Variants in DLGAP1 observed in about 807,000 individuals in gnomAD.
DLGAP1 encodes the protein DLG associated protein 1, also known as disks large-associated protein 1.
A neutral mutation model predicts 90.8 loss-of-function variants in DLGAP1; 11 were observed. That is an observed-to-expected ratio of 0.12 (90% CI 0.08 to 0.20). The LOEUF (loss-of-function observed/expected upper bound fraction) is 0.20. Ranked by LOEUF, DLGAP1 falls within the 10% of genes least tolerant of loss-of-function variation. DLGAP1 has a pLI of 1.00. For missense variants in DLGAP1, 1,050 were observed against 1,333.8 expected, an observed-to-expected ratio of 0.79 and a Z score of 3.31; for synonymous variants, 558 against 540.7, an observed-to-expected ratio of 1.03 and a Z score of -0.44.
At chr18:4,417,806 G>A (rs987436262) in intron 1 of DLGAP1, among the ~76,000 whole-genome samples, 4 of 152,162 alleles carry the variant, frequency 2.6e-5, no homozygotes, top group Admixed American at 1.3e-4. Context: ...GAGAACTAAG[G>A]AAGCCACACT....
chr18:3,958,622 CA>C (rs11342881), intron 3 of DLGAP1, among the ~76,000 whole-genome samples: 75,504 of 123,522 alleles, frequency 0.61, 21,781 homozygotes, highest in East Asian at 0.81. Context: ...ATCCTCTTTA[CA>C]AAAAAAAAAA....
chr18:3,588,316 A>C (rs2056014851), intron 7 of DLGAP1, among the ~76,000 whole-genome samples: 1 of 152,132 alleles, frequency 6.6e-6, no homozygotes, highest in African/African-American at 2.4e-5. Flanking sequence ...AAAATTAGTC[A>C]GGCGTGGCAG....
intron 1 of DLGAP1, among the ~76,000 whole-genome samples, chr18:4,265,663 C>CCTTCCTTCCTT (rs1568480322): frequency 1.8e-5 from 1 of 54,288 alleles, no homozygotes; most frequent in African/African-American, 1.8e-4. Context: ...CTCCCTCCCT[C>CCTTCCTTCCTT]CCTTCCTTCC....
intron 1 of DLGAP1, among the ~76,000 whole-genome samples, chr18:4,262,302 A>G (rs1224724964): frequency 6.6e-6 from 1 of 152,180 alleles, no homozygotes; most frequent in African/African-American, 2.4e-5. Context: ...AAGTAAAAGG[A>G]ATTCCCGGGC....
At chr18:3,663,640 G>C (rs1046565885) in intron 7 of DLGAP1, among the ~76,000 whole-genome samples, 8 of 152,318 alleles carry the variant, frequency 5.3e-5, no homozygotes, top group Middle Eastern at 3.4e-3. Context: ...CGCAAGGCTG[G>C]AGGTGCCAAT....
intron 8 of DLGAP1, chr18:3,571,359 C>T (rs1042392028): frequency 1.3e-5 from 2 of 151,880 alleles, no homozygotes; most frequent in African/African-American, 4.8e-5. Context: ...CTGATGGTCC[C>T]CTGCCCCTGG....
chr18:3,685,496 A>G (rs1182549368), intron 7 of DLGAP1, among the ~76,000 whole-genome samples: 1 of 146,612 alleles, frequency 6.8e-6, no homozygotes, highest in South Asian at 2.2e-4. Context: ...CCCGGGAGGC[A>G]GAACTTGCAG....
intron 5 of DLGAP1, among the ~76,000 whole-genome samples, chr18:3,743,103 C>A (rs2063127522): frequency 6.6e-6 from 1 of 152,074 alleles, no homozygotes; most frequent in Non-Finnish European, 1.5e-5. Context: ...CAAGTCACTA[C>A]ACACTTTGTA....
rs12606356 is a variant in DLGAP1, at chr18:3,862,873, C to T, written c.957+16239G>A. 8.1e-3 allele frequency among the ~76,000 whole-genome samples: 1,236 copies of T among 152,346 alleles called. 49 individuals carry two copies. The highest frequency in any genetic ancestry group is 0.063 in the Admixed American group (970 of 15,308). On this transcript the variant is annotated intron_variant, in intron 4 of 12. Coordinates refer to ENST00000315677, the MANE Select transcript of DLGAP1 (RefSeq NM_004746.4). Reference sequence around the variant, plus strand: ...ATGGAGGACAGGCATTCAAGCAGGGCGGCCCTCGCCCTCACTGGGCCTCCC... The same window carrying T: ...ATGGAGGACAGGCATTCAAGCAGGGTGGCCCTCGCCCTCACTGGGCCTCCC...
At chr18:3,516,848 G>A (rs1447637322) in intron 10 of DLGAP1, among the ~76,000 whole-genome samples, 1 of 152,190 alleles carries the variant, frequency 6.6e-6, no homozygotes, top group Non-Finnish European at 1.5e-5. Context: ...CAACATATGG[G>A]AATTATGGAG....
intron 2 of DLGAP1, among the ~76,000 whole-genome samples, chr18:4,054,943 A>G (rs1235740333): frequency 6.6e-6 from 1 of 152,208 alleles, no homozygotes; most frequent in Non-Finnish European, 1.5e-5. Flanking sequence ...GTTGAGATCA[A>G]ATTTTATGAT....
rs182032010 is a variant in DLGAP1, at chr18:4,163,922, T to C, written c.-266-12635A>G. On this transcript the variant is annotated intron_variant, in intron 1 of 12. Transcript: ENST00000315677. ...AAGAAGTGGTCCAGCCCAAGAAGTC[T>C]CCTTGTCCCTGTAGATCTAAGATGC... is the stretch of plus-strand genomic sequence containing the variant. Among the ~76,000 whole-genome samples, 274 of 152,290 alleles carry C rather than the reference T, an allele frequency of 1.8e-3. 1 individual carries two copies. Among genetic ancestry groups the C allele is most frequent in the African/African-American group, 5.5e-3 (230 of 41,552 alleles).
rs539991836 is a variant in DLGAP1, at chr18:4,330,964, GTC to G, written c.-267+124040_-267+124041del. On this transcript the variant is annotated intron_variant, in intron 1 of 12. Coordinates refer to ENST00000315677, the MANE Select transcript of DLGAP1 (RefSeq NM_004746.4). ...AATATCTAACTGTAGTTGTGGACTT[GTC>G]TCTTTTTCTTTGTAGCTCTATCAAG... Among the ~76,000 whole-genome samples, 219 of 150,876 alleles carry G rather than the reference GTC, an allele frequency of 1.5e-3. 7 individuals are homozygous for G. Among genetic ancestry groups the G allele is most frequent in the African/African-American group, 5.1e-3 (211 of 41,032 alleles).
intron 1 of DLGAP1, among the ~76,000 whole-genome samples, chr18:4,213,981 G>A (rs1405494095): frequency 6.6e-6 from 1 of 152,142 alleles, no homozygotes; most frequent in African/African-American, 2.4e-5. Flanking sequence ...TCCTGAGACT[G>A]TGGCCCGAGA....
At chr18:3,966,037 T>C (rs914437627) in intron 3 of DLGAP1, among the ~76,000 whole-genome samples, 2 of 149,608 alleles carry the variant, frequency 1.3e-5, no homozygotes, top group African/African-American at 2.5e-5. Context: ...TACAGACAAA[T>C]ACTTAAGTAA....
chr18:4,410,702 AT>A (rs59960215), intron 1 of DLGAP1, among the ~76,000 whole-genome samples: 2 of 152,178 alleles, frequency 1.3e-5, no homozygotes, highest in Admixed American at 1.3e-4. Flanking sequence ...ATATATATAT[AT>A]AATCAAAAGA....
chr18:3,925,492 A>G (rs1213603771), intron 3 of DLGAP1, among the ~76,000 whole-genome samples: 3 of 152,056 alleles, frequency 2.0e-5, no homozygotes, highest in Non-Finnish European at 4.4e-5. Flanking sequence ...CCTTCCTGTT[A>G]TCACTCTGGT....
intron 3 of DLGAP1, among the ~76,000 whole-genome samples, chr18:3,979,653 C>A (rs1388133748): frequency 6.6e-6 from 1 of 152,092 alleles, no homozygotes; most frequent in Non-Finnish European, 1.5e-5. Flanking sequence ...TGCATGGTAA[C>A]CACAGTTAAG....
intron 2 of DLGAP1, among the ~76,000 whole-genome samples, chr18:4,013,288 G>C (rs2074461136): frequency 6.6e-6 from 1 of 152,074 alleles, no homozygotes; most frequent in South Asian, 2.1e-4. Context: ...TCTAAGGTAA[G>C]GACTATTACT....
Sources: allele counts gnomAD v4.1 joint callset (sites outside exome capture counted in the v4.1 genomes callset), GRCh38; gene constraint gnomAD v4.1.1; transcripts MANE v1.5; gene names NCBI Gene and HGNC (gene_info 2026-07-23, HGNC 2026-07-21).